The following HYCC1 variants were observed in gnomAD, a reference collection of about 807,000 sequenced individuals.
The protein encoded by HYCC1 is hyccin.
chr7:22,996,333 A>G, the HYCC1 span, among the ~76,000 whole-genome samples: 1 of 151,878 alleles, frequency 6.6e-6, no homozygotes, highest in Non-Finnish European at 1.5e-5. Context: ...CAAACATTAA[A>G]AATGAATCCT....
chr7:22,968,972 C>T, the HYCC1 span, among the ~76,000 whole-genome samples: 9 of 151,232 alleles, frequency 6.0e-5, no homozygotes, highest in South Asian at 6.3e-4. Flanking sequence ...GGAGACAGAG[C>T]GAGACTCCAT....
the HYCC1 span, chr7:22,945,598 G>A: frequency 8.1e-6 from 13 of 1,596,162 alleles, no homozygotes; most frequent in Non-Finnish European, 1.1e-5. Context: ...ATTAATCTGT[G>A]GACAGAGTAA....
At chr7:22,912,130 A>G in the HYCC1 span, among the ~76,000 whole-genome samples, 205 of 152,382 alleles carry the variant, frequency 1.3e-3, no homozygotes, top group African/African-American at 4.6e-3. Context: ...GATAAAAACT[A>G]TTTTAAAACA....
At chr7:22,962,577 A>AG in the HYCC1 span, among the ~76,000 whole-genome samples, 14 of 124,382 alleles carry the variant, frequency 1.1e-4, no homozygotes, top group African/African-American at 3.6e-4. Context: ...TCTGAGGGTA[A>AG]GAAAAAAAAA....
chr7:22,984,929 A>G, the HYCC1 span, among the ~76,000 whole-genome samples: 36 of 152,296 alleles, frequency 2.4e-4, no homozygotes, highest in East Asian at 5.2e-3. Flanking sequence ...ATGACCAGAG[A>G]GTAATGGGAA....
At chr7:22,919,922 T>G in the HYCC1 span, among the ~76,000 whole-genome samples, 17 of 152,182 alleles carry the variant, frequency 1.1e-4, no homozygotes, top group Admixed American at 1.1e-3. Context: ...TGTTTAAATA[T>G]GTTGAGAAAA....
the HYCC1 span, among the ~76,000 whole-genome samples, chr7:22,959,502 T>C: frequency 1.3e-5 from 2 of 152,154 alleles, no homozygotes; most frequent in African/African-American, 4.8e-5. Flanking sequence ...GCTTTTTGCT[T>C]CCCACCATGG....
the HYCC1 span, among the ~76,000 whole-genome samples, chr7:22,992,100 T>G: frequency 6.6e-6 from 1 of 151,632 alleles, no homozygotes; most frequent in Non-Finnish European, 1.5e-5. Context: ...TTATTTCCAT[T>G]CCTGGCAACA....
the HYCC1 span, among the ~76,000 whole-genome samples, chr7:22,917,557 G>T: frequency 6.6e-6 from 1 of 152,182 alleles, no homozygotes; most frequent in Non-Finnish European, 1.5e-5. Context: ...GGTCTGGGTA[G>T]ACACTTTCAC....
the HYCC1 span, chr7:22,946,282 C>G: frequency 9.2e-6 from 7 of 760,512 alleles, no homozygotes; most frequent in Non-Finnish European, 1.5e-5. Flanking sequence ...ATTTATAAAG[C>G]AACAGATTAT....
At chr7:22,987,369 A>G in the HYCC1 span, among the ~76,000 whole-genome samples, 2 of 152,150 alleles carry the variant, frequency 1.3e-5, no homozygotes, top group Admixed American at 6.5e-5. Flanking sequence ...CTAACACGGC[A>G]AGACCCCAGC....
the HYCC1 span, chr7:23,014,058 G>A: frequency 6.4e-6 from 3 of 470,748 alleles, no homozygotes; most frequent in African/African-American, 4.0e-5. Flanking sequence ...ACGGGTCCCG[G>A]TGAGCCATCT....
the HYCC1 span, among the ~76,000 whole-genome samples, chr7:22,909,195 G>T: frequency 6.6e-6 from 1 of 152,158 alleles, no homozygotes; most frequent in Non-Finnish European, 1.5e-5. Context: ...CACAGGGGTG[G>T]ATCCCTCATG....
the HYCC1 span, among the ~76,000 whole-genome samples, chr7:22,949,114 A>C: frequency 6.6e-6 from 1 of 152,106 alleles, no homozygotes; most frequent in African/African-American, 2.4e-5. Context: ...TGAATATTAA[A>C]ATTTAATAAA....
At chr7:22,978,280 C>G in the HYCC1 span, 9 of 1,613,850 alleles carry the variant, frequency 5.6e-6, no homozygotes, top group Non-Finnish European at 7.6e-6. Flanking sequence ...AAATTGTAAA[C>G]CCCTAGAAGA....
At chr7:22,906,086 G>T in the HYCC1 span, among the ~76,000 whole-genome samples, 1 of 151,988 alleles carries the variant, frequency 6.6e-6, no homozygotes, top group Non-Finnish European at 1.5e-5. Context: ...TGATGATGAT[G>T]ATTAGTAGTT....
chr7:22,997,285 C>A, the HYCC1 span, among the ~76,000 whole-genome samples: 1 of 151,966 alleles, frequency 6.6e-6, no homozygotes, highest in African/African-American at 2.4e-5. Context: ...CTAAAAATTT[C>A]CTTATTCCTA....
the HYCC1 span, among the ~76,000 whole-genome samples, chr7:22,917,569 G>T: frequency 6.6e-6 from 1 of 152,276 alleles, no homozygotes; most frequent in South Asian, 2.1e-4. Flanking sequence ...CACTTTCACT[G>T]GATGGGTAGA....
chr7:22,902,078 T>C, the HYCC1 span, among the ~76,000 whole-genome samples: 1 of 152,086 alleles, frequency 6.6e-6, no homozygotes, highest in African/African-American at 2.4e-5. Flanking sequence ...GTAGAGCATA[T>C]TGTCCAACCA....
Sources: allele counts gnomAD v4.1 joint callset (sites outside exome capture counted in the v4.1 genomes callset), GRCh38; gene constraint gnomAD v4.1.1; transcripts MANE v1.5; gene names NCBI Gene and HGNC (gene_info 2026-07-23, HGNC 2026-07-21).